The following CCDC192 variants were observed in gnomAD, a reference collection of about 807,000 sequenced individuals.
CCDC192 encodes the protein coiled-coil domain-containing protein 192.
At chr5:127,833,511 C>T (rs759651497) in intron 5 of CCDC192, among the ~76,000 whole-genome samples, 26 of 152,236 alleles carry the variant, frequency 1.7e-4, no homozygotes, top group Middle Eastern at 3.4e-3. Flanking sequence ...CCTTATACTA[C>T]ATGCCATCAT....
At chr5:127,763,446 A>G (rs1358212814) in intron 3 of CCDC192, among the ~76,000 whole-genome samples, 1 of 152,130 alleles carries the variant, frequency 6.6e-6, no homozygotes, top group Admixed American at 6.5e-5. Context: ...TGTCCAGGCT[A>G]CCTTCTGCAG....
intron 5 of CCDC192, among the ~76,000 whole-genome samples, chr5:127,875,271 G>A (rs1752028011): frequency 6.6e-6 from 1 of 152,074 alleles, no homozygotes; most frequent in Non-Finnish European, 1.5e-5. Flanking sequence ...TAAGCAACAG[G>A]GTTCTGACCC....
rs114298737 is a variant in CCDC192 at position 127,714,703 on chromosome 5, C to T, written c.114+6943C>T. Among the ~76,000 whole-genome samples the T allele has an allele frequency of 6.7e-3, 1,023 of 152,242 alleles. 16 individuals are homozygous for T. Among genetic ancestry groups the T allele is most frequent in the African/African-American group, 0.023 (950 of 41,558 alleles). On this transcript the variant is annotated intron_variant, in intron 2 of 6. Coordinates refer to ENST00000514853, the MANE Select transcript of CCDC192 (RefSeq NM_001317938.2). ...TATTTTTAATTTTTAAGGTACCTCC[C>T]TACTCTTTTCCACAGTGGTTGTACT...
chr5:127,883,934 A>G (rs944232618), intron 6 of CCDC192, among the ~76,000 whole-genome samples: 2 of 152,128 alleles, frequency 1.3e-5, no homozygotes, highest in African/African-American at 4.8e-5. Context: ...GACTCCTCCG[A>G]TGGCCCCTCC....
At chr5:127,716,250 T>C (rs1054980014) in intron 2 of CCDC192, among the ~76,000 whole-genome samples, 1 of 152,188 alleles carries the variant, frequency 6.6e-6, no homozygotes, top group Non-Finnish European at 1.5e-5. Flanking sequence ...CACTTAATCA[T>C]GATGAATATT....
At chr5:127,756,619 C>A (rs1754615019) in intron 3 of CCDC192, among the ~76,000 whole-genome samples, 1 of 152,220 alleles carries the variant, frequency 6.6e-6, no homozygotes, top group African/African-American at 2.4e-5. Context: ...TCCCCAGGAG[C>A]AATTTGGGGA....
At chr5:127,879,346 C>G (rs1419353798) in intron 6 of CCDC192, among the ~76,000 whole-genome samples, 2 of 144,068 alleles carry the variant, frequency 1.4e-5, no homozygotes, top group African/African-American at 5.2e-5. Flanking sequence ...AAAGGATTCC[C>G]TATTTAATAA....
At chr5:127,786,543 G>T in intron 3 of CCDC192, 1 of 649,906 alleles carries the variant, frequency 1.5e-6, no homozygotes, top group South Asian at 1.7e-5. Flanking sequence ...GGCCTAAATG[G>T]TCTCTCCAAG....
intron 2 of CCDC192, among the ~76,000 whole-genome samples, chr5:127,751,149 C>A (rs1191866449): frequency 6.7e-6 from 1 of 148,408 alleles, no homozygotes; most frequent in African/African-American, 2.5e-5. Context: ...GAATTTGATC[C>A]TGTCATTATG....
intron 2 of CCDC192, among the ~76,000 whole-genome samples, chr5:127,745,380 C>A (rs993902942): frequency 6.6e-6 from 1 of 152,042 alleles, no homozygotes; most frequent in Non-Finnish European, 1.5e-5. Context: ...AATGAGAAAC[C>A]TTTGCAACCA....
At chr5:127,845,400 T>G (rs191416433) in intron 5 of CCDC192, among the ~76,000 whole-genome samples, 284 of 152,322 alleles carry the variant, frequency 1.9e-3, no homozygotes, top group Middle Eastern at 0.014. Context: ...AGGAAAGTCT[T>G]AAGCATATTT....
At chr5:127,897,810 A>G (rs1437944623) in intron 6 of CCDC192, among the ~76,000 whole-genome samples, 1 of 152,190 alleles carries the variant, frequency 6.6e-6, no homozygotes, top group African/African-American at 2.4e-5. Context: ...AGAATGTTTC[A>G]ACTTCTCATG....
chr5:127,901,732 A>G (rs1717998239), intron 6 of CCDC192, among the ~76,000 whole-genome samples: 4 of 152,128 alleles, frequency 2.6e-5, no homozygotes, highest in Admixed American at 2.6e-4. Flanking sequence ...TTGAAGGTTC[A>G]TCTATATTTT....
intron 6 of CCDC192, chr5:127,935,452 A>G (rs1168485669): frequency 1.3e-5 from 2 of 152,222 alleles, no homozygotes; most frequent in Non-Finnish European, 2.9e-5. Context: ...CTTTTTAGCA[A>G]GAAGTATTTA....
intron 6 of CCDC192, among the ~76,000 whole-genome samples, chr5:127,887,395 C>T (rs1046604321): frequency 1.3e-5 from 2 of 150,268 alleles, no homozygotes; most frequent in Admixed American, 1.3e-4. Flanking sequence ...CTTTATCACA[C>T]TAGGCTGTCT....
intron 6 of CCDC192, among the ~76,000 whole-genome samples, chr5:127,936,845 G>A (rs1754200275): frequency 6.6e-6 from 1 of 152,198 alleles, no homozygotes; most frequent in Non-Finnish European, 1.5e-5. Flanking sequence ...AGAAGCCTAT[G>A]AGGGACCACA....
At chr5:127,806,326 C>G (rs1409190736) in intron 5 of CCDC192, among the ~76,000 whole-genome samples, 2 of 152,048 alleles carry the variant, frequency 1.3e-5, no homozygotes, top group Non-Finnish European at 2.9e-5. Flanking sequence ...CCTTTCTGAT[C>G]AGATCTAAGT....
At chr5:127,791,936 A>T (rs902681868) in intron 3 of CCDC192, among the ~76,000 whole-genome samples, 4 of 152,200 alleles carry the variant, frequency 2.6e-5, no homozygotes, top group African/African-American at 9.6e-5. Flanking sequence ...GAAAGAAACC[A>T]TGTGCAAAGT....
At chr5:127,851,561 G>A (rs1561523036) in intron 5 of CCDC192, among the ~76,000 whole-genome samples, 2 of 152,112 alleles carry the variant, frequency 1.3e-5, no homozygotes, top group Admixed American at 6.6e-5. Context: ...AGGTTCAAGC[G>A]ATTCTTCTGC....
Sources: allele counts gnomAD v4.1 joint callset (sites outside exome capture counted in the v4.1 genomes callset), GRCh38; gene constraint gnomAD v4.1.1; transcripts MANE v1.5; gene names NCBI Gene and HGNC (gene_info 2026-07-23, HGNC 2026-07-21).